IPCEF1: variants seen among roughly 807,000 people sequenced by gnomAD.
The protein encoded by IPCEF1 is interactor protein for cytohesin exchange factors 1.
A neutral mutation model predicts 50.9 loss-of-function variants in IPCEF1; 31 were observed. The observed-to-expected ratio is 0.61, with a 90% CI of 0.46 to 0.82. IPCEF1 has a LOEUF of 0.82. IPCEF1 is among the 40% of genes least tolerant of loss of function. The pLI is 0.00. For synonymous variants in IPCEF1, 181 were observed against 192.0 expected, an observed-to-expected ratio of 0.94 and a Z score of 0.47; for missense variants, 458 against 514.0, an observed-to-expected ratio of 0.89 and a Z score of 1.05.
At chr6:154,231,644 A>G (rs1016698652) in intron 5 of IPCEF1, among the ~76,000 whole-genome samples, 1 of 152,210 alleles carries the variant, frequency 6.6e-6, no homozygotes, top group Admixed American at 6.5e-5. Context: ...TTTGTGTAAG[A>G]AAGGAGGAAG....
At chr6:154,339,551 G>A (rs1356747307) in intron 1 of IPCEF1, among the ~76,000 whole-genome samples, 1 of 151,712 alleles carries the variant, frequency 6.6e-6, no homozygotes, top group Non-Finnish European at 1.5e-5. Context: ...GGGATTACAG[G>A]CATGAGCCAT....
chr6:154,239,613 T>G (rs1473643148), intron 5 of IPCEF1, among the ~76,000 whole-genome samples: 3 of 152,166 alleles, frequency 2.0e-5, no homozygotes, highest in Admixed American at 2.0e-4. Context: ...CATTCCACCT[T>G]CTCATTCTCC....
intron 2 of IPCEF1, among the ~76,000 whole-genome samples, chr6:154,281,775 G>C (rs1266331178): frequency 6.6e-6 from 1 of 152,122 alleles, no homozygotes; most frequent in Non-Finnish European, 1.5e-5. Context: ...GGCTGAGGTG[G>C]GTGGATCACC....
chr6:154,183,565 C>T (rs1480742956), intron 10 of IPCEF1, among the ~76,000 whole-genome samples: 1 of 152,078 alleles, frequency 6.6e-6, no homozygotes, highest in Non-Finnish European at 1.5e-5. Context: ...CCAAAGGATG[C>T]TATAAAGGTA....
chr6:154,291,836 C>T (rs1782523204), intron 1 of IPCEF1, among the ~76,000 whole-genome samples: 1 of 152,056 alleles, frequency 6.6e-6, no homozygotes, highest in Non-Finnish European at 1.5e-5. Flanking sequence ...AGGTGCCCAC[C>T]ACCACGCCCG....
intron 3 of IPCEF1, among the ~76,000 whole-genome samples, chr6:154,257,009 G>A (rs1332529284): frequency 6.6e-6 from 1 of 152,190 alleles, no homozygotes; most frequent in East Asian, 1.9e-4. Flanking sequence ...ATGTTCAGTA[G>A]ATTAGGTGTA....
intron 3 of IPCEF1, among the ~76,000 whole-genome samples, chr6:154,265,678 A>G (rs1781737285): frequency 6.6e-6 from 1 of 152,212 alleles, no homozygotes; most frequent in Non-Finnish European, 1.5e-5. Flanking sequence ...TAATTGATGT[A>G]CAGTATATTA....
intron 10 of IPCEF1, among the ~76,000 whole-genome samples, chr6:154,193,322 A>C (rs1248914017): frequency 1.3e-5 from 2 of 152,192 alleles, no homozygotes; most frequent in Non-Finnish European, 1.5e-5. Flanking sequence ...AGCTATGAGG[A>C]TGCAAAGGCA....
chr6:154,221,436 T>C, intron 6 of IPCEF1, 108 bp from the exon 7 acceptor site: 1 of 831,642 alleles, frequency 1.2e-6, no homozygotes, highest in Non-Finnish European at 1.9e-6. Flanking sequence ...TCTGCTTTCT[T>C]TGTAAATTTA....
chr6:154,310,259 A>G (rs926723803), intron 1 of IPCEF1, among the ~76,000 whole-genome samples: 43 of 152,216 alleles, frequency 2.8e-4, no homozygotes, highest in Admixed American at 2.0e-3. Context: ...TGGCAAATAG[A>G]TGCATGAAAA....
Position 154,159,073 on chromosome 6 carries a change from A to G in IPCEF1, c.*755T>C, listed in dbSNP as rs781009459. ...TTTGCGGAACATATTCCTATCTCCT[A>G]CCATTGAGTAGGAAAGCTCAAAGGA... On this transcript the variant is annotated 3_prime_UTR_variant, in exon 12 of 12. Transcript: ENST00000367220. The G allele has an allele frequency of 6.6e-6, 1 of 152,212 alleles. No homozygotes were observed. Among genetic ancestry groups the G allele is most frequent in the Admixed American group, 6.5e-5 (1 of 15,286 alleles). The allele number at this position is 152,212 out of a possible 1,614,324, so 9.4% of individuals were successfully genotyped here. A position where few individuals can be genotyped will look rare whatever the true frequency, so the allele number is the denominator to read the frequency against.
chr6:154,213,824 C>T (rs186453185), intron 8 of IPCEF1, among the ~76,000 whole-genome samples: 10 of 152,234 alleles, frequency 6.6e-5, no homozygotes, highest in Admixed American at 6.5e-4. Context: ...AGCCTCAGTA[C>T]ACACCTGGTG....
At chr6:154,305,811 T>A (rs6915221) in intron 1 of IPCEF1, among the ~76,000 whole-genome samples, 18,694 of 152,234 alleles carry the variant, frequency 0.12, 2,307 homozygotes, top group African/African-American at 0.32. Context: ...CTTTCTCCCA[T>A]GCTGGATGCT....
At chr6:154,286,439 T>C (rs1782360779) in intron 2 of IPCEF1, among the ~76,000 whole-genome samples, 1 of 152,246 alleles carries the variant, frequency 6.6e-6, no homozygotes. Context: ...TATTGCTTAA[T>C]GACAGGAGTA....
intron 1 of IPCEF1, among the ~76,000 whole-genome samples, chr6:154,295,103 C>T (rs549163106): frequency 5.3e-5 from 8 of 151,666 alleles, no homozygotes; most frequent in East Asian, 3.9e-4. Flanking sequence ...GAAGCTGAGG[C>T]GGAAGAATGG....
rs182673472 is a variant in IPCEF1 at position 154,288,245 on chromosome 6, C to T, written c.-18+1468G>A. Among the ~76,000 whole-genome samples the T allele has an allele frequency of 2.2e-4, 33 of 152,248 alleles. No individual in the cohort carries two copies. In the East Asian group the frequency reaches 5.8e-3, roughly 27 times the overall value. On this transcript the variant is annotated intron_variant, in intron 2 of 11. Transcript: ENST00000367220. ...AATGGTAGAAACTACATACTGAGGA[C>T]AATAGTGATTATTGTCTGGGTCATA...
chr6:154,199,615 T>C, intron 10 of IPCEF1, 53 bp downstream of exon 10: 1 of 1,483,322 alleles, frequency 6.7e-7, no homozygotes, highest in Non-Finnish European at 9.0e-7. Flanking sequence ...TACAGTTCCA[T>C]ATACAAACAA....
In IPCEF1 at chr6:154,237,213, A is replaced by T. The variant is rs1173912088; in HGVS notation, c.246+9378T>A. Among the ~76,000 whole-genome samples, 3 of 152,302 alleles carry T rather than the reference A, an allele frequency of 2.0e-5. No individual in the cohort carries two copies. In the East Asian group the frequency reaches 5.8e-4, roughly 29 times the overall value. On this transcript the variant is annotated intron_variant, in intron 5 of 11. Transcript: ENST00000367220. ...CCTAATGAAAAGTTCAGCTCATCCC[A>T]TGGGCCACTTGGCATTCTGTTGCTT...
At chr6:154,283,088 G>T (rs1267721169) in intron 2 of IPCEF1, among the ~76,000 whole-genome samples, 1 of 151,616 alleles carries the variant, frequency 6.6e-6, no homozygotes, top group Non-Finnish European at 1.5e-5. Context: ...GAGGTCAGGA[G>T]TTCAAGACCA....
Sources: allele counts gnomAD v4.1 joint callset (sites outside exome capture counted in the v4.1 genomes callset), GRCh38; gene constraint gnomAD v4.1.1; transcripts MANE v1.5; gene names NCBI Gene and HGNC (gene_info 2026-07-23, HGNC 2026-07-21).